SPC25: variants seen among roughly 807,000 people sequenced by gnomAD.
SPC25 encodes SPC25 component of NDC80 kinetochore complex.
SPC25 carries 22 observed loss-of-function variants against 29.6 expected under a neutral mutation model. The ratio of observed to expected loss-of-function variants is 0.74; its 90% CI spans 0.53 to 1.06. The LOEUF (loss-of-function observed/expected upper bound fraction) is 1.06. Ranked by LOEUF, SPC25 falls within the 50% of genes least tolerant of loss-of-function variation. The pLI, the probability that SPC25 is intolerant of heterozygous loss-of-function variation, is 0.00. For synonymous variants in SPC25, 91 were observed against 90.4 expected (o/e 1.01, Z -0.04); for missense variants, 230 against 255.8 (o/e 0.90, Z 0.69).
At chr2:168,869,456 C>T (rs1489898570), downstream of SPC25, among the ~76,000 whole-genome samples, 14 of 152,302 alleles carry the variant, frequency 9.2e-5, no homozygotes, top group East Asian at 1.7e-3. Flanking sequence ...ATCTAGAAAA[C>T]CCCATCGTCT....
At position 168,877,252 on chromosome 2, in the gene SPC25, G is replaced by C. The variant is rs1331455266; in HGVS notation, c.332C>G (p.Ser111Cys). 2 of 1,613,206 alleles carry C rather than the reference G, an allele frequency of 1.2e-6. No individual in the cohort carries two copies. Among genetic ancestry groups the C allele is most frequent in the East Asian group, 2.2e-5 (1 of 44,812 alleles). Residue 111 changes from serine to cysteine, a missense_variant, in exon 4 of 7, where the codon TCT (serine) becomes TGT (cysteine). Coordinates refer to ENST00000282074, the MANE Select transcript of SPC25 (RefSeq NM_020675.4). ...AGGAAACTTACTTTCCTTCTTCCTA[G>C]AATATTCTTCCTTAAGATCCTGGAT... is the stretch of plus-strand genomic sequence containing the variant. ...ANIQDLKEEY[S>C]RKKETISTAN... is the part of the protein sequence containing the mutation.
intron 4 of SPC25, chr2:168,865,325 C>T (rs1030706204): frequency 1.5e-4 from 27 of 184,236 alleles, no homozygotes; most frequent in Middle Eastern, 2.3e-3. Context: ...AGCAGTGGGA[C>T]TTAGATGTCT....
chr2:168,871,279 C>G lies in SPC25; in HGVS notation c.*152G>C, dbSNP rs371962809. ...AAATGACGAGTTAATGGGTGCAGCA[C>G]ACCAATATGGCACATGTATACATAT... On this transcript the variant is annotated 3_prime_UTR_variant, in exon 7 of 7. Coordinates refer to ENST00000282074, the MANE Select transcript of SPC25 (RefSeq NM_020675.4). 7.9e-6 allele frequency: 5 copies of G among 633,810 alleles called. No individual in the cohort carries two copies. Among genetic ancestry groups the G allele is most frequent in the South Asian group, 7.5e-5 (3 of 40,070 alleles). 39.3% of individuals were successfully genotyped at this position (633,810 alleles called of 1,614,324 possible).
downstream of SPC25, among the ~76,000 whole-genome samples, chr2:168,868,866 A>T (rs1015207168): frequency 6.6e-6 from 1 of 152,250 alleles, no homozygotes; most frequent in African/African-American, 2.4e-5. Context: ...TGAGGCCAGC[A>T]TCATCCTGAT....
At chr2:168,868,504 T>G (rs894429136), downstream of SPC25, among the ~76,000 whole-genome samples, 4 of 151,792 alleles carry the variant, frequency 2.6e-5, no homozygotes, top group Admixed American at 6.6e-5. Context: ...ATAGACGCAA[T>G]AAAAAATGAT....
intron 4 of SPC25, chr2:168,865,365 C>G (rs992395175): frequency 2.4e-5 from 4 of 166,828 alleles, no homozygotes; most frequent in African/African-American, 9.6e-5. Context: ...GGCAACAGAA[C>G]ACAGCAGGCC....
intron 3 of SPC25, among the ~76,000 whole-genome samples, chr2:168,884,123 C>T (rs1006756261): frequency 1.3e-4 from 20 of 152,014 alleles, no homozygotes; most frequent in Admixed American, 8.5e-4. Flanking sequence ...TTCCCAGGAC[C>T]GACATTTCAA....
At chr2:168,884,168 T>G (rs1260731037) in intron 3 of SPC25, among the ~76,000 whole-genome samples, 1 of 152,168 alleles carries the variant, frequency 6.6e-6, no homozygotes, top group Non-Finnish European at 1.5e-5. Flanking sequence ...AACCCTTCTT[T>G]GCATTTTCAC....
intron 3 of SPC25, among the ~76,000 whole-genome samples, chr2:168,881,724 A>G (rs1316980198): frequency 6.6e-6 from 1 of 152,242 alleles, no homozygotes; most frequent in East Asian, 1.9e-4. Flanking sequence ...CAAACTATCT[A>G]TACTGTCATT....
rs780383445 is a variant in SPC25 at position 168,889,223 on chromosome 2, T to C, written c.199+3A>G. 2 of 1,610,752 alleles carry C rather than the reference T, an allele frequency of 1.2e-6. No individual in the cohort carries two copies. The highest frequency in any genetic ancestry group is 1.7e-5 in the Admixed American group (1 of 59,476). Reference sequence around the variant, plus strand: ...ACCCCATGATTTATACTTTTTCACATACGATTTTGATATTCCAGAAACATC... The same window carrying C: ...ACCCCATGATTTATACTTTTTCACACACGATTTTGATATTCCAGAAACATC... On this transcript the variant is annotated splice_donor_region_variant and intron_variant, in intron 3 of 6. Transcript: ENST00000282074.
At chr2:168,868,351 G>A (rs1317686640), downstream of SPC25, among the ~76,000 whole-genome samples, 1 of 152,066 alleles carries the variant, frequency 6.6e-6, no homozygotes, top group Non-Finnish European at 1.5e-5. Flanking sequence ...AAATAACTAA[G>A]ATCAGAGCAG....
intron 3 of SPC25, among the ~76,000 whole-genome samples, chr2:168,883,557 A>G (rs896062428): frequency 2.6e-5 from 4 of 152,206 alleles, no homozygotes; most frequent in African/African-American, 9.7e-5. Flanking sequence ...CAAAATCACG[A>G]CTTCTGAAAC....
Position 168,876,154 on chromosome 2 carries a change from C to A in SPC25, c.369G>T (p.Ala123=), listed in dbSNP as rs764730735. Residue 123 remains alanine, a synonymous_variant, in exon 5 of 7, where the codon GCG becomes GCT. Coordinates refer to ENST00000282074, the MANE Select transcript of SPC25 (RefSeq NM_020675.4). The stretch of plus-strand genomic sequence containing the variant: ...GCAGCCTTTTCAACCTCTCTGCATT[C>A]GCTTTATTAGCAGTAGAAATAGCTG... ...KKETISTANK[A]NAERLKRLQK... is the part of the protein sequence containing the mutation. The A allele has an allele frequency of 6.4e-7, 1 of 1,568,292 alleles. No individual in the cohort carries two copies. The highest frequency in any genetic ancestry group is 8.6e-7 in the Non-Finnish European group (1 of 1,164,764).
chr2:168,885,974 C>G (rs1189075337), intron 3 of SPC25, among the ~76,000 whole-genome samples: 1 of 152,032 alleles, frequency 6.6e-6, no homozygotes. Context: ...TCCTGCATTC[C>G]TCACTGGAAG....
chr2:168,862,803 T>A (rs1574346826), intron 4 of SPC25, among the ~76,000 whole-genome samples: 1 of 152,290 alleles, frequency 6.6e-6, no homozygotes, highest in East Asian at 1.9e-4. Flanking sequence ...TTAGCGCTAA[T>A]GCAGAGATCT....
chr2:168,881,798 G>A (rs147972923), intron 3 of SPC25, among the ~76,000 whole-genome samples: 1 of 152,108 alleles, frequency 6.6e-6, no homozygotes, highest in Admixed American at 6.5e-5. Flanking sequence ...TTTTCTCAAA[G>A]TTAAACAAGT....
chr2:168,879,529 G>A (rs1196775828), intron 3 of SPC25, among the ~76,000 whole-genome samples: 1 of 152,182 alleles, frequency 6.6e-6, no homozygotes, highest in Non-Finnish European at 1.5e-5. Flanking sequence ...GGTCTCTTGT[G>A]ATTTCTACCA....
At chr2:168,865,122 T>A in intron 4 of SPC25, 1 of 803,722 alleles carries the variant, frequency 1.2e-6, no homozygotes, top group Non-Finnish European at 1.9e-6. Context: ...TCATGATTAT[T>A]AGCTTGAAAC....
intron 3 of SPC25, among the ~76,000 whole-genome samples, chr2:168,882,243 T>C (rs1029537823): frequency 6.6e-6 from 1 of 152,276 alleles, no homozygotes; most frequent in African/African-American, 2.4e-5. Context: ...CTTTTACTAC[T>C]TTTTTAAAAG....
Sources: allele counts gnomAD v4.1 joint callset (sites outside exome capture counted in the v4.1 genomes callset), GRCh38; gene constraint gnomAD v4.1.1; transcripts MANE v1.5; gene names NCBI Gene and HGNC (gene_info 2026-07-23, HGNC 2026-07-21).